BRINP1: variants seen among roughly 807,000 people sequenced by gnomAD.
BRINP1 encodes the protein BMP/retinoic acid-inducible neural-specific protein 1.
In BRINP1, 17 loss-of-function variants were observed where a neutral mutation model predicts 72.9. The ratio of observed to expected loss-of-function variants is 0.23; its 90% CI spans 0.16 to 0.35. The LOEUF (loss-of-function observed/expected upper bound fraction) is 0.35, where lower values mean the gene tolerates loss of function less well. Ranked by LOEUF, BRINP1 falls within the 10% of genes least tolerant of loss-of-function variation. The pLI, the probability that BRINP1 is intolerant of heterozygous loss-of-function variation, is 1.00. For synonymous variants in BRINP1, 418 were observed against 378.5 expected (o/e 1.10, Z -1.21); for missense variants, 850 against 1,001.6 (o/e 0.85, Z 2.04).
chr9:119,297,758 A>G (rs1423812014), intron 2 of BRINP1, among the ~76,000 whole-genome samples: 1 of 152,156 alleles, frequency 6.6e-6, no homozygotes, highest in African/African-American at 2.4e-5. Context: ...ATTATACGGT[A>G]AGACAATTCT....
chr9:119,185,466 A>G (rs1446789304), intron 7 of BRINP1, among the ~76,000 whole-genome samples: 1 of 152,182 alleles, frequency 6.6e-6, no homozygotes, highest in Admixed American at 6.5e-5. Flanking sequence ...TTTGTACTAA[A>G]ATTATCACAG....
intron 2 of BRINP1, among the ~76,000 whole-genome samples, chr9:119,253,698 CA>C (rs1458765387): frequency 6.6e-6 from 1 of 152,056 alleles, no homozygotes; most frequent in Non-Finnish European, 1.5e-5. Context: ...ACAAAAAGAA[CA>C]ATGAGCTCCA....
At chr9:119,341,349 A>C (rs188813499) in intron 1 of BRINP1, among the ~76,000 whole-genome samples, 1 of 152,336 alleles carries the variant, frequency 6.6e-6, no homozygotes, top group African/African-American at 2.4e-5. Flanking sequence ...AATCCTGATT[A>C]TATCAAGGAA....
chr9:119,213,820 G>T, intron 6 of BRINP1, 99 bp downstream of exon 6: 1 of 1,058,864 alleles, frequency 9.4e-7, no homozygotes, highest in African/African-American at 1.6e-5. Context: ...CAGGGTCACT[G>T]AACTTTCCCT....
At chr9:119,168,465 C>G (rs1829348062) in intron 7 of BRINP1, among the ~76,000 whole-genome samples, 1 of 151,356 alleles carries the variant, frequency 6.6e-6, no homozygotes, top group Non-Finnish European at 1.5e-5. Context: ...TCCTCATCTG[C>G]AAAGTGAAGG....
chr9:119,171,852 G>A (rs1220907365), intron 7 of BRINP1, among the ~76,000 whole-genome samples: 241 of 117,974 alleles, frequency 2.0e-3, no homozygotes, highest in African/African-American at 8.6e-3. Context: ...TCAACTACAT[G>A]GAAACTGAAC....
chr9:119,288,923 C>T (rs1830795281), intron 2 of BRINP1, among the ~76,000 whole-genome samples: 1 of 152,176 alleles, frequency 6.6e-6, no homozygotes, highest in Admixed American at 6.5e-5. Flanking sequence ...GCCTCAGCCT[C>T]CCAAGTAGCT....
At chr9:119,267,636 CAATAAATAAATA>C (rs139819911) in intron 2 of BRINP1, among the ~76,000 whole-genome samples, 291 of 145,152 alleles carry the variant, frequency 2.0e-3, no homozygotes, top group Middle Eastern at 0.01. Flanking sequence ...AACTCCATCT[CAATAAATAAATA>C]AATAAATAAA....
chr9:119,348,323 C>CTA (rs1168951159), intron 1 of BRINP1, among the ~76,000 whole-genome samples: 2 of 152,158 alleles, frequency 1.3e-5, no homozygotes, highest in Non-Finnish European at 2.9e-5. Context: ...TGAATAATAT[C>CTA]CCCTTGTCTA....
At chr9:119,235,259 C>T (rs1418758166) in intron 5 of BRINP1, among the ~76,000 whole-genome samples, 1 of 152,178 alleles carries the variant, frequency 6.6e-6, no homozygotes, top group Non-Finnish European at 1.5e-5. Flanking sequence ...CTCAAATTAA[C>T]TTTCAACTCA....
intron 3 of BRINP1, among the ~76,000 whole-genome samples, chr9:119,242,977 T>TC (rs1247649364): frequency 1.0e-5 from 1 of 97,052 alleles, no homozygotes; most frequent in Non-Finnish European, 2.0e-5. Context: ...TGTTTCTTTT[T>TC]TCTTTTTTTT....
chr9:119,312,884 A>C (rs1033144358), intron 2 of BRINP1, among the ~76,000 whole-genome samples: 3 of 152,246 alleles, frequency 2.0e-5, no homozygotes, highest in Non-Finnish European at 4.4e-5. Flanking sequence ...AAATGAGATA[A>C]TATATAATAC....
chr9:119,312,770 A>G (rs1831081270), intron 2 of BRINP1, among the ~76,000 whole-genome samples: 1 of 152,234 alleles, frequency 6.6e-6, no homozygotes, highest in Non-Finnish European at 1.5e-5. Context: ...ACTTCTAACT[A>G]TATGACATTA....
At position 119,288,613 on chromosome 9, in the gene BRINP1, C is replaced by T. The variant is rs532738046; in HGVS notation, c.218+24525G>A. The stretch of plus-strand genomic sequence containing the variant: ...TGCTAAATCTTAAAAAAGGGCCACA[C>T]GATTTAGGGGTGATATTTTTAGCAA... On this transcript the variant is annotated intron_variant, in intron 2 of 7. Transcript: ENST00000265922. 4.6e-5 allele frequency among the ~76,000 whole-genome samples: 7 copies of T among 152,230 alleles called. No homozygotes were observed. In the South Asian group the frequency reaches 6.2e-4, roughly 14 times the overall value.
At chr9:119,230,760 C>G (rs751077901) in intron 5 of BRINP1, among the ~76,000 whole-genome samples, 3 of 151,846 alleles carry the variant, frequency 2.0e-5, no homozygotes, top group Non-Finnish European at 4.4e-5. Flanking sequence ...TGATTTAAGA[C>G]CAAGAAACCA....
At position 119,237,796 on chromosome 9, in the gene BRINP1, G is replaced by A. The variant is rs73532261; in HGVS notation, c.685+859C>T. On this transcript the variant is annotated intron_variant, in intron 5 of 7. Coordinates refer to ENST00000265922, the MANE Select transcript of BRINP1 (RefSeq NM_014618.3). ...CCTGCCTCATCCTTCTGAATAGCTC[G>A]GACTATAGGCGCACACCACCGCGCC... 7.4e-3 allele frequency among the ~76,000 whole-genome samples: 1,123 copies of A among 151,844 alleles called. 17 individuals carry two copies. Among genetic ancestry groups the A allele is most frequent in the African/African-American group, 0.026 (1,065 of 41,380 alleles).
intron 2 of BRINP1, among the ~76,000 whole-genome samples, chr9:119,274,904 C>G (rs971345015): frequency 1.3e-5 from 2 of 151,824 alleles, no homozygotes; most frequent in Non-Finnish European, 2.9e-5. Context: ...ATAGAGATAT[C>G]CAATATATAT....
At chr9:119,220,323 G>T (rs1830027265) in intron 5 of BRINP1, among the ~76,000 whole-genome samples, 1 of 152,106 alleles carries the variant, frequency 6.6e-6, no homozygotes, top group Admixed American at 6.6e-5. Context: ...ATTGCTAGCA[G>T]GCACTTGGAT....
At chr9:119,330,692 G>A (rs1241080313) in intron 1 of BRINP1, among the ~76,000 whole-genome samples, 1 of 152,096 alleles carries the variant, frequency 6.6e-6, no homozygotes, top group Non-Finnish European at 1.5e-5. Context: ...AAATGTGATT[G>A]ACCTTTCATA....
Sources: gnomAD v4.1 joint callset for allele counts (sites outside exome capture counted in the v4.1 genomes callset) on GRCh38, gnomAD v4.1.1 for gene constraint, MANE v1.5 for transcripts, NCBI Gene and HGNC (gene_info 2026-07-23, HGNC 2026-07-21) for gene names.